CCNG1: variants seen among roughly 807,000 people sequenced by gnomAD.
CCNG1 encodes cyclin-G1.
Under a neutral mutation model 30.0 loss-of-function variants are expected in CCNG1, and 13 were observed. The ratio of observed to expected loss-of-function variants is 0.43; its 90% CI spans 0.28 to 0.69. The LOEUF (loss-of-function observed/expected upper bound fraction) is 0.69, where lower values mean the gene tolerates loss of function less well. Among genes scored for constraint, CCNG1 ranks in the 30% least tolerant of loss-of-function variants. CCNG1 has a pLI of 0.16. For synonymous variants in CCNG1, 110 were observed against 121.5 expected (o/e 0.91, Z 0.62); for missense variants, 285 against 331.4 (o/e 0.86, Z 1.09).
chr5:163,451,449 A>G, the CCNG1 span: 3 of 152,162 alleles, frequency 2.0e-5, no homozygotes, highest in Non-Finnish European at 4.4e-5. Flanking sequence ...ACTCTTCAAT[A>G]CTCTGACTGT....
chr5:163,457,280 C>T, the CCNG1 span, among the ~76,000 whole-genome samples: 11 of 152,106 alleles, frequency 7.2e-5, no homozygotes, highest in South Asian at 1.9e-3. Flanking sequence ...TACAGGCATG[C>T]GCCACCATGC....
At chr5:163,457,034 ATC>A in the CCNG1 span, 8 of 1,613,326 alleles carry the variant, frequency 5.0e-6, no homozygotes, top group African/African-American at 1.3e-5. Context: ...AATTTGCTGC[ATC>A]TCTCTTTGTC....
At chr5:163,445,658 G>C (rs915173820), downstream of CCNG1, among the ~76,000 whole-genome samples, 4 of 111,468 alleles carry the variant, frequency 3.6e-5, no homozygotes, top group South Asian at 3.0e-4. Context: ...TGTTGTCACT[G>C]TGTTGCCCAG....
chr5:163,441,081 C>T lies in CCNG1; in HGVS notation c.268C>T (p.Gln90Ter). The change falls in exon 3 of 7, where the codon CAG becomes TAG. Residue 90 changes from glutamine to a stop codon, truncating the protein, a stop_gained. Transcript: ENST00000340828. LOFTEE classifies it high-confidence loss of function. ...GGTTTTGTTTTTGATTTTTTAGGTA[C>T]AGCCCAAGCACCTTGGGTGTGTTGG... Reference protein sequence around the residue: ...LDRFLSKMKVQPKHLGCVGLS... With the variant: ...LDRFLSKMKV 1 of 1,610,080 alleles carries T rather than the reference C, an allele frequency of 6.2e-7. No individual in the cohort carries two copies. Among genetic ancestry groups the T allele is most frequent in the Non-Finnish European group, 8.5e-7 (1 of 1,178,476 alleles).
At position 163,443,658 on chromosome 5, in the gene CCNG1, T is replaced by C. The variant is rs1229234086; in HGVS notation, c.*4-16T>C. 4 of 1,468,120 alleles carry C rather than the reference T, an allele frequency of 2.7e-6. No homozygotes were observed. In the African/African-American group the frequency reaches 5.6e-5, roughly 20 times the overall value. The allele number at this position is 1,468,120 out of a possible 1,614,324, so 90.9% of individuals were successfully genotyped here. A position where few individuals can be genotyped will look rare whatever the true frequency, so the allele number is the denominator to read the frequency against. The stretch of plus-strand genomic sequence containing the variant: ...TCTGTTAAGTTGGATTTTGTTTGTT[T>C]TCTTTATTTAAATAGGATTATTACA... On this transcript the variant is annotated splice_polypyrimidine_tract_variant and intron_variant, in intron 6 of 6. Coordinates refer to ENST00000340828, the MANE Select transcript of CCNG1 (RefSeq NM_004060.4).
the CCNG1 span, chr5:163,453,722 G>C: frequency 3.4e-6 from 1 of 294,200 alleles, no homozygotes; most frequent in Non-Finnish European, 6.2e-6. Flanking sequence ...GTAAAATGCA[G>C]CATATAAAAC....
chr5:163,457,422 T>A, the CCNG1 span: 1 of 631,618 alleles, frequency 1.6e-6, no homozygotes, highest in Middle Eastern at 4.0e-4. Flanking sequence ...ACTAGGTAAC[T>A]TTGACATACA....
chr5:163,443,236 C>T (rs1414417880), intron 6 of CCNG1, among the ~76,000 whole-genome samples: 4 of 150,264 alleles, frequency 2.7e-5, no homozygotes, highest in African/African-American at 9.8e-5. Flanking sequence ...GGCGGGAACC[C>T]GGGAGGCGGA....
At position 163,439,280 on chromosome 5, in the gene CCNG1, T is replaced by G; in HGVS notation, c.24T>G (p.Thr8=). 6.2e-7 allele frequency: 1 copy of G among 1,613,628 alleles called. No homozygotes were observed. Among genetic ancestry groups the G allele is most frequent in the Non-Finnish European group, 8.5e-7 (1 of 1,179,960 alleles). Reference sequence around the variant, plus strand: ...AGATGATAGAGGTACTGACAACAACTGACTCTCAGAAACTGCTACACCAGC... The same window carrying G: ...AGATGATAGAGGTACTGACAACAACGGACTCTCAGAAACTGCTACACCAGC... The part of the protein sequence containing the change: MIEVLTT[T]DSQKLLHQLN... Residue 8 remains threonine (T), a synonymous_variant, in exon 2 of 7, where the codon ACT becomes ACG. Coordinates refer to ENST00000340828, the MANE Select transcript of CCNG1 (RefSeq NM_004060.4).
At chr5:163,439,606 G>T (rs981544596) in intron 2 of CCNG1, 86 bp downstream of exon 2, 59 of 1,241,872 alleles carry the variant, frequency 4.8e-5, no homozygotes, top group Non-Finnish European at 5.8e-5. Flanking sequence ...TCATAAACTT[G>T]ACCTTTTTTT....
At chr5:163,455,722 C>T in the CCNG1 span, among the ~76,000 whole-genome samples, 3 of 144,900 alleles carry the variant, frequency 2.1e-5, no homozygotes, top group Non-Finnish European at 3.0e-5. Flanking sequence ...AGAGATCGCA[C>T]CACTCCATCT....
the CCNG1 span, chr5:163,453,967 T>C: frequency 6.6e-7 from 1 of 1,512,312 alleles, no homozygotes; most frequent in Non-Finnish European, 8.9e-7. Context: ...AAAAAAGCAG[T>C]TATTTCTCAA....
At chr5:163,457,518 G>A in the CCNG1 span, 1 of 1,143,958 alleles carries the variant, frequency 8.7e-7, no homozygotes, top group Non-Finnish European at 1.3e-6. Flanking sequence ...AAGATATCAA[G>A]ACAAAATTAT....
the CCNG1 span, chr5:163,457,488 G>T: frequency 1.1e-6 from 1 of 887,040 alleles, no homozygotes; most frequent in Non-Finnish European, 1.8e-6. Context: ...AGACAAAAAA[G>T]ACCTAATACA....
chr5:163,457,256 C>T, the CCNG1 span, among the ~76,000 whole-genome samples: 1 of 151,976 alleles, frequency 6.6e-6, no homozygotes, highest in Non-Finnish European at 1.5e-5. Flanking sequence ...CTCAGCCTCC[C>T]GACTAGCTGG....
intron 1 of CCNG1, among the ~76,000 whole-genome samples, chr5:163,438,117 G>C (rs758099012): frequency 6.6e-6 from 1 of 152,108 alleles, no homozygotes; most frequent in Non-Finnish European, 1.5e-5. Flanking sequence ...GTGTGGGAGG[G>C]ACCTTCCATG....
chr5:163,446,253 A>C (rs1461020552), downstream of CCNG1: 1 of 152,224 alleles, frequency 6.6e-6, no homozygotes, highest in Non-Finnish European at 1.5e-5. Context: ...TCCTATCTAA[A>C]AATTTATATT....
At chr5:163,453,082 C>T in the CCNG1 span, 1 of 152,058 alleles carries the variant, frequency 6.6e-6, no homozygotes, top group Non-Finnish European at 1.5e-5. Flanking sequence ...AGATAGTAAT[C>T]AGTAATGAGG....
intron 2 of CCNG1, among the ~76,000 whole-genome samples, 196 bp from the exon 3 acceptor site, chr5:163,440,882 G>C (rs368339726): frequency 1.3e-5 from 2 of 152,252 alleles, no homozygotes; most frequent in Admixed American, 6.5e-5. Context: ...CTCAAAAATT[G>C]GTTCTAAGTG....
Sources: gnomAD v4.1 joint callset for allele counts (sites outside exome capture counted in the v4.1 genomes callset) on GRCh38, gnomAD v4.1.1 for gene constraint, MANE v1.5 for transcripts, NCBI Gene and HGNC (gene_info 2026-07-23, HGNC 2026-07-21) for gene names.